LIN7A: variants seen among roughly 807,000 people sequenced by gnomAD.
The protein encoded by LIN7A is protein lin-7 homolog A.
LIN7A carries 25 observed loss-of-function variants against 29.8 expected under a neutral mutation model. The ratio of observed to expected loss-of-function variants is 0.84; its 90% CI spans 0.61 to 1.17. LIN7A has a LOEUF of 1.17. LIN7A is among the 50% of genes most tolerant of loss of function. LIN7A has a pLI of 0.00. For synonymous variants in LIN7A, 118 were observed against 107.5 expected (o/e 1.10, Z -0.60); for missense variants, 239 against 287.0 (o/e 0.83, Z 1.21).
chr12:80,878,737 C>T (rs964254985), intron 2 of LIN7A, among the ~76,000 whole-genome samples: 2 of 152,112 alleles, frequency 1.3e-5, no homozygotes, highest in Non-Finnish European at 2.9e-5. Context: ...GCTGATTGGT[C>T]CATTTTACAG....
At chr12:80,866,257 A>C (rs1874130342) in intron 2 of LIN7A, among the ~76,000 whole-genome samples, 1 of 152,248 alleles carries the variant, frequency 6.6e-6, no homozygotes, top group Non-Finnish European at 1.5e-5. Context: ...GGAAATAAGC[A>C]GTGAGACTAC....
chr12:80,846,053 C>T, intron 3 of LIN7A, 114 bp from the exon 4 acceptor site: 1 of 860,800 alleles, frequency 1.2e-6, no homozygotes, highest in Non-Finnish European at 1.7e-6. Context: ...ATAGTATTCT[C>T]CTGTGAAAGA....
At chr12:80,870,937 A>G (rs908840978) in intron 2 of LIN7A, among the ~76,000 whole-genome samples, 1 of 152,250 alleles carries the variant, frequency 6.6e-6, no homozygotes, top group African/African-American at 2.4e-5. Flanking sequence ...TTTAAACAGC[A>G]AAGATGCTAA....
intron 4 of LIN7A, among the ~76,000 whole-genome samples, chr12:80,813,049 T>C (rs548351710): frequency 7.2e-5 from 11 of 152,268 alleles, no homozygotes; most frequent in South Asian, 2.1e-4. Flanking sequence ...CTTGCTCTGT[T>C]GCCCAGGCTA....
At chr12:80,888,965 T>C (rs1258385337) in intron 2 of LIN7A, among the ~76,000 whole-genome samples, 1 of 152,104 alleles carries the variant, frequency 6.6e-6, no homozygotes, top group Admixed American at 6.6e-5. Context: ...TCTAGGTGGC[T>C]TCATGTGACC....
intron 1 of LIN7A, among the ~76,000 whole-genome samples, chr12:80,916,759 C>A (rs1031343515): frequency 6.6e-6 from 1 of 152,114 alleles, no homozygotes; most frequent in Non-Finnish European, 1.5e-5. Context: ...GAAAAGATTT[C>A]ATGAGGATTT....
intron 2 of LIN7A, among the ~76,000 whole-genome samples, chr12:80,886,304 C>T (rs1875323439): frequency 1.3e-5 from 2 of 151,850 alleles, no homozygotes; most frequent in Admixed American, 6.6e-5. Flanking sequence ...TATTATCATA[C>T]TTTATAGCTG....
chr12:80,902,908 G>T (rs147746561), intron 1 of LIN7A, among the ~76,000 whole-genome samples: 94 of 151,956 alleles, frequency 6.2e-4, no homozygotes, highest in African/African-American at 2.2e-3. Context: ...TTGAGTAGGA[G>T]CAGTAAGAGT....
intron 4 of LIN7A, among the ~76,000 whole-genome samples, chr12:80,828,694 C>T (rs112264071): frequency 2.0e-5 from 3 of 152,058 alleles, no homozygotes; most frequent in Admixed American, 6.6e-5. Flanking sequence ...ATGGCCACAC[C>T]GTTAATGGGT....
At chr12:80,915,154 A>G (rs1396063497) in intron 1 of LIN7A, among the ~76,000 whole-genome samples, 1 of 95,242 alleles carries the variant, frequency 1.0e-5, no homozygotes, top group Non-Finnish European at 1.7e-5. Flanking sequence ...TCAACAAGCA[A>G]AAAAAAAAAA....
rs1795939723 is a variant in LIN7A at position 80,811,527 on chromosome 12, A to G, written c.640T>C (p.Leu214=). 1 of 1,611,350 alleles carries G rather than the reference A, an allele frequency of 6.2e-7. No homozygotes were observed. The change falls in exon 5 of 6, where the codon TTG becomes CTG. Residue 214 remains leucine, a synonymous_variant. Transcript: ENST00000552864. ...RTARRRQQQQ[L]LIQQQQQQQQ... ...TGCTGTTGCTGCTGCTGAATTAGCAATTGCTGCTGCTGCCGACGCCTGGCT... is the reference window on the plus strand; with the variant it reads ...TGCTGTTGCTGCTGCTGAATTAGCAGTTGCTGCTGCTGCCGACGCCTGGCT...
At chr12:80,933,964 T>G (rs1284738671) in intron 1 of LIN7A, among the ~76,000 whole-genome samples, 1 of 152,166 alleles carries the variant, frequency 6.6e-6, no homozygotes, top group African/African-American at 2.4e-5. Flanking sequence ...CCATTAGCAC[T>G]GGCACAGTGT....
At chr12:80,843,735 A>G (rs989647468) in intron 4 of LIN7A, among the ~76,000 whole-genome samples, 3 of 152,026 alleles carry the variant, frequency 2.0e-5, no homozygotes, top group African/African-American at 7.2e-5. Context: ...TTTTTCAGAT[A>G]AGGGGATTAA....
At chr12:80,900,406 A>T (rs1001942100) in intron 1 of LIN7A, among the ~76,000 whole-genome samples, 1 of 152,210 alleles carries the variant, frequency 6.6e-6, no homozygotes, top group East Asian at 1.9e-4. Flanking sequence ...ATTTAGCCCT[A>T]TAAAATTCCC....
chr12:80,925,743 C>T (rs1016168386), intron 1 of LIN7A, among the ~76,000 whole-genome samples: 1 of 152,150 alleles, frequency 6.6e-6, no homozygotes, highest in Admixed American at 6.5e-5. Flanking sequence ...AAAGATGTGA[C>T]TTCCCAAACA....
chr12:80,797,283 G>A lies in LIN7A; in HGVS notation c.*444C>T, dbSNP rs962233875. The A allele has an allele frequency of 1.3e-5, 2 of 152,362 alleles. No individual in the cohort carries two copies. Among genetic ancestry groups the A allele is most frequent in the Admixed American group, 6.6e-5 (1 of 15,264 alleles). The allele number at this position is 152,362 out of a possible 1,614,324, so 9.4% of individuals were successfully genotyped here. A position where few individuals can be genotyped will look rare whatever the true frequency, so the allele number is the denominator to read the frequency against. On this transcript the variant is annotated 3_prime_UTR_variant, in exon 6 of 6. Transcript: ENST00000552864. ...GCACTATGGATTGTGGAGCAGGTGA[G>A]GGTAAGGAGCAATGTGTAGGTTTCA...
chr12:80,895,375 A>T (rs1875830696), intron 1 of LIN7A, among the ~76,000 whole-genome samples: 1 of 152,216 alleles, frequency 6.6e-6, no homozygotes, highest in African/African-American at 2.4e-5. Flanking sequence ...TTCATTCTCT[A>T]ATGATGAGTT....
intron 2 of LIN7A, among the ~76,000 whole-genome samples, chr12:80,888,784 T>C (rs1875468781): frequency 6.6e-6 from 1 of 152,158 alleles, no homozygotes; most frequent in Non-Finnish European, 1.5e-5. Flanking sequence ...GATTACAATG[T>C]AGATTTGCTA....
At position 80,905,402 on chromosome 12, in the gene LIN7A, T is replaced by G. The variant is rs141812670; in HGVS notation, c.83-16033A>C. On this transcript the variant is annotated intron_variant, in intron 1 of 5. Transcript: ENST00000552864. ...GGTCAGAGAAAATTACCAGTGTTAT[T>G]TCTCATTTTGGATTTTAATAGCATT... Among the ~76,000 whole-genome samples the G allele has an allele frequency of 2.6e-4, 40 of 152,304 alleles. No individual in the cohort carries two copies. In the East Asian group the frequency reaches 7.7e-3, roughly 29 times the overall value.
Sources: gnomAD v4.1 joint callset for allele counts (sites outside exome capture counted in the v4.1 genomes callset) on GRCh38, gnomAD v4.1.1 for gene constraint, MANE v1.5 for transcripts, NCBI Gene and HGNC (gene_info 2026-07-23, HGNC 2026-07-21) for gene names.